Variants in OXNAD1 observed in about 807,000 individuals in gnomAD.
OXNAD1 encodes the protein oxidoreductase NAD-binding domain-containing protein 1.
In OXNAD1, 34 loss-of-function variants were observed where a neutral mutation model predicts 32.9. The observed-to-expected ratio is 1.03, with a 90% CI of 0.79 to 1.38. OXNAD1 has a LOEUF of 1.38. Ranked by LOEUF, OXNAD1 falls within the 40% of genes most tolerant of loss-of-function variation. The pLI is 0.00. For missense variants in OXNAD1, 407 were observed against 379.4 expected (o/e 1.07, Z -0.60); for synonymous variants, 134 against 135.2 (o/e 0.99, Z 0.06).
chr3:16,340,813 C>T (rs1373060085), downstream of OXNAD1, among the ~76,000 whole-genome samples: 4 of 151,984 alleles, frequency 2.6e-5, no homozygotes, highest in African/African-American at 4.8e-5. Flanking sequence ...AATTTGTTTC[C>T]GTGGGATAAA....
rs188985932 is a variant in OXNAD1 at position 16,271,435 on chromosome 3, G to A, written c.120-224G>A. ...GCCAGGCTGGTCTCGTACTCCTGAC[G>A]TCAGATGATCTGCCTGCCTCGGCCT... On this transcript the variant is annotated intron_variant, in intron 3 of 8. Transcript: ENST00000285083. This position sits in a 1 kb window ranked among gnomAD's most constrained non-coding sequence, Gnocchi z 4.6. Among the ~76,000 whole-genome samples, 296 of 152,148 alleles carry A rather than the reference G, an allele frequency of 1.9e-3. 2 individuals carry two copies. The highest frequency in any genetic ancestry group is 6.7e-3 in the African/African-American group (279 of 41,512).
downstream of OXNAD1, among the ~76,000 whole-genome samples, chr3:16,307,282 C>G (rs1162355311): frequency 6.6e-6 from 1 of 152,130 alleles, no homozygotes; most frequent in Admixed American, 6.5e-5. Context: ...TTAGGTCGCC[C>G]CTGCTGTGTC....
chr3:16,294,361 C>T (rs890578174), intron 5 of OXNAD1, among the ~76,000 whole-genome samples: 2 of 152,048 alleles, frequency 1.3e-5, no homozygotes, highest in Non-Finnish European at 2.9e-5. Context: ...CGTCCCTACG[C>T]CTGGCTAATA....
chr3:16,300,656 T>G (rs891671112), intron 6 of OXNAD1, among the ~76,000 whole-genome samples: 3 of 152,248 alleles, frequency 2.0e-5, no homozygotes, highest in African/African-American at 7.2e-5. Context: ...GCAAACCAGC[T>G]GTCTGAATTT....
chr3:16,324,910 A>G (rs966152931), intron 9 of OXNAD1, among the ~76,000 whole-genome samples: 4 of 152,068 alleles, frequency 2.6e-5, no homozygotes, highest in South Asian at 2.1e-4. Flanking sequence ...ACTATTTTCC[A>G]TAATGGCTAT....
At chr3:16,279,537 G>A (rs190640505) in intron 4 of OXNAD1, among the ~76,000 whole-genome samples, 2 of 151,882 alleles carry the variant, frequency 1.3e-5, no homozygotes, top group Non-Finnish European at 2.9e-5. Flanking sequence ...TTGAGGCCAC[G>A]TAGAGAGTAA....
rs555095375 is a variant in OXNAD1 at position 16,277,463 on chromosome 3, T to C, written c.183+5741T>C. Among the ~76,000 whole-genome samples the C allele has an allele frequency of 4.6e-5, 7 of 152,348 alleles. No homozygotes were observed. The South Asian group carries it at 6.2e-4, about 14-fold the overall frequency. ...ATAACAGAACTGGATCAGCTTCTTATAGTCTCGTCTTCCATTCTTGCCTTT... is the reference window on the plus strand; with the variant it reads ...ATAACAGAACTGGATCAGCTTCTTACAGTCTCGTCTTCCATTCTTGCCTTT... On this transcript the variant is annotated intron_variant, in intron 4 of 8. Coordinates refer to ENST00000285083, the MANE Select transcript of OXNAD1 (RefSeq NM_138381.5). The surrounding 1 kb of genome is among the most constrained non-coding windows in gnomAD (Gnocchi z 4.3).
chr3:16,319,538 C>G (rs549618478), intron 9 of OXNAD1, among the ~76,000 whole-genome samples: 2 of 152,294 alleles, frequency 1.3e-5, no homozygotes, highest in Middle Eastern at 3.4e-3. Flanking sequence ...GTGCAGTGTA[C>G]AACTGAGGAC....
Position 16,294,877 on chromosome 3 carries a change from A to C in OXNAD1, c.312A>C (p.Gly104=). 3.1e-6 allele frequency: 5 copies of C among 1,612,186 alleles called. No individual in the cohort carries two copies. Among genetic ancestry groups the C allele is most frequent in the Non-Finnish European group, 4.2e-6 (5 of 1,179,150 alleles). The change falls in exon 6 of 9, where the codon GGA becomes GGC. Residue 104 remains glycine (G), a synonymous_variant. Transcript: ENST00000285083. ...AGQWVDFFIP[G]VSVVGGFSIC... is the part of the protein sequence containing the mutation. ...TTAGGGTTGATTTCTTTATTCCAGG[A>C]GTCTCTGTGGTTGGTGGGTTTTCAA...
rs1347925641 is a variant in OXNAD1, at chr3:16,336,805, C to G, written c.*31-307C>G. ...TCACATCTTTGTCTCATTTTCTCTA[C>G]CAGGTAAGAAAGGCAGCAAACTCAG... is the stretch of plus-strand genomic sequence containing the variant. On this transcript the variant is annotated intron_variant, in intron 9 of 9. Coordinates refer to the OXNAD1 transcript ENST00000435829. This position sits in a 1 kb window ranked among gnomAD's most constrained non-coding sequence, Gnocchi z 6.0. 6.6e-6 allele frequency among the ~76,000 whole-genome samples: 1 copy of G among 152,056 alleles called. No homozygotes were observed. The highest frequency in any genetic ancestry group is 1.5e-5 in the Non-Finnish European group (1 of 68,012).
chr3:16,289,811 C>T lies in OXNAD1; in HGVS notation c.290+3363C>T, dbSNP rs1021006334. Among the ~76,000 whole-genome samples, 1 of 152,224 alleles carries T rather than the reference C, an allele frequency of 6.6e-6. No homozygotes were observed. The highest frequency in any genetic ancestry group is 2.4e-5 in the African/African-American group (1 of 41,448). ...GTACTCCTGGTAGAATTGACTCCTCCTTCCTCTGCCTTGCCTCGCTACGCT... is the reference window on the plus strand; with the variant it reads ...GTACTCCTGGTAGAATTGACTCCTCTTTCCTCTGCCTTGCCTCGCTACGCT... On this transcript the variant is annotated intron_variant, in intron 5 of 8. Transcript: ENST00000285083. This position sits in a 1 kb window ranked among gnomAD's most constrained non-coding sequence, Gnocchi z 4.9.
chr3:16,324,613 A>ACCCCCC (rs111849488), intron 9 of OXNAD1, among the ~76,000 whole-genome samples: 8 of 90,826 alleles, frequency 8.8e-5, no homozygotes, highest in East Asian at 3.4e-4. Context: ...AATGTCCCTG[A>ACCCCCC]CCCCCCCCCT....
chr3:16,283,966 C>T (rs866372426), intron 4 of OXNAD1, among the ~76,000 whole-genome samples: 4 of 152,004 alleles, frequency 2.6e-5, no homozygotes, highest in Admixed American at 2.6e-4. Flanking sequence ...GCAAGAACAC[C>T]GAAGCTAGGT....
In OXNAD1 at chr3:16,335,853, C is replaced by CTGGA. The variant is rs1274700621; in HGVS notation, c.*31-1247_*31-1244dup. On this transcript the variant is annotated intron_variant, in intron 9 of 9. Coordinates refer to the OXNAD1 transcript ENST00000435829. This position sits in a 1 kb window ranked among gnomAD's most constrained non-coding sequence, Gnocchi z 4.7. ...GGGCAAGTCACAAGGAGCCTGGAAA[C>CTGGA]TGGATGGATGGATGGTGAGGTCTCA... Among the ~76,000 whole-genome samples the CTGGA allele has an allele frequency of 6.6e-6, 1 of 151,362 alleles. No homozygotes were observed. The highest frequency in any genetic ancestry group is 2.4e-5 in the African/African-American group (1 of 41,086).
Position 16,348,367 on chromosome 3 carries a change from A to G in OXNAD1, c.*31-809A>G, listed in dbSNP as rs2071875760. 6.6e-6 allele frequency among the ~76,000 whole-genome samples: 1 copy of G among 152,038 alleles called. No individual in the cohort carries two copies. The highest frequency in any genetic ancestry group is 1.5e-5 in the Non-Finnish European group (1 of 68,002). ...ATCCAATATGTGTTCTAATTATAAA[A>G]AAAAATTAATAGATGTGCCTTCTCT... is the stretch of plus-strand genomic sequence containing the variant. On this transcript the variant is annotated intron_variant, in intron 9 of 9. Transcript: ENST00000606098. This position sits in a 1 kb window ranked among gnomAD's most constrained non-coding sequence, Gnocchi z 6.3.
intron 4 of OXNAD1, chr3:16,272,451 A>G (rs1429872680): frequency 1.2e-5 from 2 of 166,178 alleles, no homozygotes; most frequent in Non-Finnish European, 2.6e-5. Context: ...TAAAAAAACT[A>G]TTTCATGTAA....
At chr3:16,325,701 A>T (rs1197895755) in intron 9 of OXNAD1, among the ~76,000 whole-genome samples, 1 of 152,224 alleles carries the variant, frequency 6.6e-6, no homozygotes, top group Admixed American at 6.5e-5. Flanking sequence ...AAGTGGCCGC[A>T]GACTGGCTCC....
At chr3:16,350,952 A>G (rs933137520), downstream of OXNAD1, among the ~76,000 whole-genome samples, 17 of 152,326 alleles carry the variant, frequency 1.1e-4, no homozygotes, top group Non-Finnish European at 2.4e-4. Flanking sequence ...CTCCCTGGCA[A>G]ATCCTAGAGT....
rs146312183 is a variant in OXNAD1, at chr3:16,346,077, T to C, written c.*31-3099T>C. 1.8e-4 allele frequency: 27 copies of C among 152,254 alleles called. No homozygotes were observed. Among genetic ancestry groups the C allele is most frequent in the African/African-American group, 4.1e-4 (17 of 41,560 alleles). 9.4% of individuals were successfully genotyped at this position (152,254 alleles called of 1,614,324 possible). On this transcript the variant is annotated intron_variant, in intron 9 of 9. Transcript: ENST00000606098. The surrounding 1 kb of genome is among the most constrained non-coding windows in gnomAD (Gnocchi z 4.4). ...CATACTTGCCTCTCCCCTCGTCAGA[T>C]TGAAAAGGTTCCTATGATTTAGGGT...
Sources: gnomAD v4.1 joint callset for allele counts (sites outside exome capture counted in the v4.1 genomes callset) on GRCh38, gnomAD v4.1.1 for gene constraint, Gnocchi (gnomAD v3.1) non-coding constraint, MANE v1.5 for transcripts, NCBI Gene and HGNC (gene_info 2026-07-23, HGNC 2026-07-21) for gene names.